The following GULP1 variants were observed in gnomAD, a reference collection of about 807,000 sequenced individuals.
The protein encoded by GULP1 is PTB domain-containing engulfment adapter protein 1.
A neutral mutation model predicts 40.9 loss-of-function variants in GULP1; 19 were observed. The ratio of observed to expected loss-of-function variants is 0.46; its 90% CI spans 0.32 to 0.68. The LOEUF (loss-of-function observed/expected upper bound fraction) is 0.68. Among genes scored for constraint, GULP1 ranks in the 30% least tolerant of loss-of-function variants. The pLI, the probability that GULP1 is intolerant of heterozygous loss-of-function variation, is 0.03. For synonymous variants in GULP1, 119 were observed against 117.6 expected (o/e 1.01, Z -0.08); for missense variants, 312 against 362.2 (o/e 0.86, Z 1.12).
At chr2:188,523,983 G>T (rs1390986967) in intron 5 of GULP1, among the ~76,000 whole-genome samples, 1 of 152,086 alleles carries the variant, frequency 6.6e-6, no homozygotes, top group African/African-American at 2.4e-5. Context: ...ATTCAGATTT[G>T]CCTTTTATTG....
Position 188,356,315 on chromosome 2 carries a change from G to A in GULP1, c.-171-27448G>A, listed in dbSNP as rs538038838. ...TAAAGCCTCCACCAAAAAATTCTTA[G>A]AATTGATCAACAAATTCAGCAAAGT... On this transcript the variant is annotated intron_variant, in intron 1 of 11. Transcript: ENST00000409830. 2.0e-5 allele frequency among the ~76,000 whole-genome samples: 3 copies of A among 152,156 alleles called. No individual in the cohort carries two copies. The East Asian group carries it at 5.8e-4, about 29-fold the overall frequency.
In GULP1 at chr2:188,544,557, C is replaced by A. The variant is rs892613350; in HGVS notation, c.399+3239C>A. Among the ~76,000 whole-genome samples, 7 of 150,856 alleles carry A rather than the reference C, an allele frequency of 4.6e-5. No individual in the cohort carries two copies. The East Asian group carries it at 7.8e-4, about 17-fold the overall frequency. ...TATTATTATAATAATAATAATAATACTAAAAGAATACTGAAAAATAAAGTA... is the reference window on the plus strand; with the variant it reads ...TATTATTATAATAATAATAATAATAATAAAAGAATACTGAAAAATAAAGTA... On this transcript the variant is annotated intron_variant, in intron 7 of 11. Coordinates refer to ENST00000409830, the MANE Select transcript of GULP1 (RefSeq NM_016315.4).
rs34653781 is a variant in GULP1, at chr2:188,364,928, G to GTA, written c.-171-18822_-171-18821dup. ...TACACACACACACACATATATATGT[G>GTA]TATATATATATATACACACACACAC... On this transcript the variant is annotated intron_variant, in intron 1 of 11. Coordinates refer to ENST00000409830, the MANE Select transcript of GULP1 (RefSeq NM_016315.4). Among the ~76,000 whole-genome samples the GTA allele has an allele frequency of 3.4e-3, 498 of 148,482 alleles. 4 individuals carry two copies. Among genetic ancestry groups the GTA allele is most frequent in the South Asian group, 0.018 (84 of 4,698 alleles).
intron 7 of GULP1, among the ~76,000 whole-genome samples, chr2:188,549,373 A>C (rs753985967): frequency 2.0e-5 from 3 of 151,900 alleles, no homozygotes; most frequent in Non-Finnish European, 4.4e-5. Flanking sequence ...GAGGATATAC[A>C]GATGGAAAGT....
At chr2:188,535,247 T>C (rs1688625005) in intron 6 of GULP1, among the ~76,000 whole-genome samples, 1 of 152,072 alleles carries the variant, frequency 6.6e-6, no homozygotes, top group Non-Finnish European at 1.5e-5. Flanking sequence ...CCTGGGTATA[T>C]TGCATCATGC....
chr2:188,387,943 A>G (rs1295354837), intron 2 of GULP1, among the ~76,000 whole-genome samples: 1 of 151,888 alleles, frequency 6.6e-6, no homozygotes, highest in East Asian at 1.9e-4. Flanking sequence ...GGTTAGTTAC[A>G]TATGTATACA....
At chr2:188,423,406 A>G (rs1279268680) in intron 2 of GULP1, among the ~76,000 whole-genome samples, 3 of 151,830 alleles carry the variant, frequency 2.0e-5, no homozygotes, top group South Asian at 2.1e-4. Context: ...ATTAATACCT[A>G]TTTTTCCAAG....
At chr2:188,437,559 G>A (rs761282224) in intron 2 of GULP1, among the ~76,000 whole-genome samples, 7 of 151,942 alleles carry the variant, frequency 4.6e-5, no homozygotes, top group Non-Finnish European at 8.8e-5. Flanking sequence ...ATTCAACCCA[G>A]CAACCCCATT....
At chr2:188,364,475 G>C (rs1187495905) in intron 1 of GULP1, among the ~76,000 whole-genome samples, 1 of 152,174 alleles carries the variant, frequency 6.6e-6, no homozygotes, top group African/African-American at 2.4e-5. Flanking sequence ...TGTCTCCAGG[G>C]AAGGATGAAG....
At chr2:188,331,009 A>G (rs1309769970) in intron 1 of GULP1, among the ~76,000 whole-genome samples, 1 of 152,214 alleles carries the variant, frequency 6.6e-6, no homozygotes, top group African/African-American at 2.4e-5. Flanking sequence ...AAAAAGTTTC[A>G]ATTAGTTATG....
intron 3 of GULP1, among the ~76,000 whole-genome samples, chr2:188,480,415 G>A (rs1335066396): frequency 6.6e-6 from 1 of 151,240 alleles, no homozygotes; most frequent in African/African-American, 2.4e-5. Flanking sequence ...GACCTCAGAA[G>A]CCTAAGGAAA....
chr2:188,411,272 G>T (rs2053844132), intron 2 of GULP1, among the ~76,000 whole-genome samples: 1 of 143,254 alleles, frequency 7.0e-6, no homozygotes. Flanking sequence ...CCCCGCAGGG[G>T]TCCAGTAAAA....
At chr2:188,312,815 C>A (rs2038399652) in intron 1 of GULP1, among the ~76,000 whole-genome samples, 1 of 152,144 alleles carries the variant, frequency 6.6e-6, no homozygotes, top group Non-Finnish European at 1.5e-5. Context: ...TCTATTGTTT[C>A]CTGACTTTTT....
intron 2 of GULP1, among the ~76,000 whole-genome samples, chr2:188,399,043 A>G (rs1479873204): frequency 6.6e-6 from 1 of 152,208 alleles, no homozygotes. Flanking sequence ...GTGAAACAAC[A>G]CCTATTTATA....
At chr2:188,490,247 C>T (rs1340196803) in intron 4 of GULP1, among the ~76,000 whole-genome samples, 2 of 152,042 alleles carry the variant, frequency 1.3e-5, no homozygotes, top group African/African-American at 4.8e-5. Flanking sequence ...TTTGTTTAAG[C>T]TTACACAGGA....
intron 2 of GULP1, among the ~76,000 whole-genome samples, chr2:188,410,349 C>T (rs1225134252): frequency 6.6e-6 from 1 of 152,078 alleles, no homozygotes; most frequent in Admixed American, 6.6e-5. Flanking sequence ...AATGGTATTA[C>T]ATCAAAAATA....
rs142815091 is a variant in GULP1 at position 188,553,015 on chromosome 2, T to C, written c.399+11697T>C. Among the ~76,000 whole-genome samples the C allele has an allele frequency of 3.6e-3, 549 of 151,970 alleles. 5 individuals carry two copies. The highest frequency in any genetic ancestry group is 0.013 in the African/African-American group (527 of 41,524). On this transcript the variant is annotated intron_variant, in intron 7 of 11. Transcript: ENST00000409830. The stretch of plus-strand genomic sequence containing the variant: ...CTACATCATTGGTATACAGAAATGC[T>C]CCTGATTTTTGTACATTAATTTTGA...
Position 188,522,847 on chromosome 2 carries a change from T to C in GULP1, c.162+20T>C. Reference sequence around the variant, plus strand: ...CTAAAGGTAGGGAAAGGCCTTCAAATAAATTACAAGTGTATTGACTCTGTC... The same window carrying C: ...CTAAAGGTAGGGAAAGGCCTTCAAACAAATTACAAGTGTATTGACTCTGTC... On this transcript the variant is annotated intron_variant, in intron 5 of 11. Coordinates refer to ENST00000409830, the MANE Select transcript of GULP1 (RefSeq NM_016315.4). 1 of 1,473,212 alleles carries C rather than the reference T, an allele frequency of 6.8e-7. No individual in the cohort carries two copies. The highest frequency in any genetic ancestry group is 1.1e-5 in the South Asian group (1 of 88,350). The allele number at this position is 1,473,212 out of a possible 1,614,324, so 91.3% of individuals were successfully genotyped here. A position where few individuals can be genotyped will look rare whatever the true frequency, so the allele number is the denominator to read the frequency against.
intron 7 of GULP1, among the ~76,000 whole-genome samples, chr2:188,558,471 G>A (rs1275997370): frequency 2.6e-5 from 4 of 152,162 alleles, no homozygotes; most frequent in Non-Finnish European, 5.9e-5. Context: ...TTTCTTCCCA[G>A]TCTCAGGTAT....
Sources: allele counts gnomAD v4.1 joint callset (sites outside exome capture counted in the v4.1 genomes callset), GRCh38; gene constraint gnomAD v4.1.1; transcripts MANE v1.5; gene names NCBI Gene and HGNC (gene_info 2026-07-23, HGNC 2026-07-21).